Variants in CNTNAP5 observed in about 807,000 individuals in gnomAD.
CNTNAP5 encodes the protein contactin associated protein family member 5, also known as contactin-associated protein-like 5.
Under a neutral mutation model 150.2 loss-of-function variants are expected in CNTNAP5, and 72 were observed. The observed-to-expected ratio is 0.48, with a 90% CI of 0.40 to 0.58. The LOEUF (loss-of-function observed/expected upper bound fraction) is 0.58. CNTNAP5 is among the 20% of genes least tolerant of loss of function. The probability of loss-of-function intolerance (pLI) is 0.00; values close to 1 mark genes in which losing one functional copy is unlikely to be tolerated. For missense variants in CNTNAP5, 1,636 were observed against 1,626.2 expected, an observed-to-expected ratio of 1.01 and a Z score of -0.10; for synonymous variants, 672 against 619.8, an observed-to-expected ratio of 1.08 and a Z score of -1.25.
intron 3 of CNTNAP5, among the ~76,000 whole-genome samples, chr2:124,249,647 A>G (rs989459675): frequency 3.3e-5 from 5 of 152,168 alleles, no homozygotes; most frequent in African/African-American, 1.2e-4. Context: ...TTGATGTCTC[A>G]TGCCTTCCTA....
chr2:124,476,259 T>A (rs1345837314), intron 7 of CNTNAP5, among the ~76,000 whole-genome samples: 1 of 152,200 alleles, frequency 6.6e-6, no homozygotes, highest in East Asian at 1.9e-4. Flanking sequence ...TTTGCTACAA[T>A]GTCAAACATC....
chr2:124,299,951 G>A (rs745334523), intron 3 of CNTNAP5, among the ~76,000 whole-genome samples: 9 of 152,118 alleles, frequency 5.9e-5, no homozygotes, highest in Non-Finnish European at 8.8e-5. Flanking sequence ...TCTTGCTTGC[G>A]TCTACTTGCT....
intron 7 of CNTNAP5, among the ~76,000 whole-genome samples, chr2:124,485,015 A>G (rs1350223900): frequency 6.6e-6 from 1 of 152,196 alleles, no homozygotes; most frequent in Non-Finnish European, 1.5e-5. Flanking sequence ...TTTGTTCCAT[A>G]TAAGCCAGTT....
chr2:124,611,420 G>A (rs753744893), intron 12 of CNTNAP5, among the ~76,000 whole-genome samples: 4 of 152,276 alleles, frequency 2.6e-5, no homozygotes, highest in Middle Eastern at 3.4e-3. Flanking sequence ...TTGCATTTCC[G>A]TAATAACTTT....
chr2:124,340,932 T>A (rs1253842581), intron 3 of CNTNAP5, among the ~76,000 whole-genome samples: 2 of 148,448 alleles, frequency 1.3e-5, no homozygotes, highest in African/African-American at 2.5e-5. Context: ...ATATATTAGG[T>A]GGGAAGGGTG....
At chr2:124,814,832 G>A (rs535989336) in intron 19 of CNTNAP5, among the ~76,000 whole-genome samples, 10 of 152,156 alleles carry the variant, frequency 6.6e-5, no homozygotes, top group African/African-American at 2.4e-4. Flanking sequence ...TTCTCAAAGG[G>A]TCTGAGAGAA....
chr2:124,452,557 A>G (rs898451204), intron 6 of CNTNAP5, among the ~76,000 whole-genome samples: 2 of 152,140 alleles, frequency 1.3e-5, no homozygotes, highest in African/African-American at 4.8e-5. Flanking sequence ...GCTTTCTTGA[A>G]AATGCCAGCT....
At chr2:124,480,492 C>A (rs954183223) in intron 7 of CNTNAP5, among the ~76,000 whole-genome samples, 4 of 152,102 alleles carry the variant, frequency 2.6e-5, no homozygotes, top group Non-Finnish European at 4.4e-5. Context: ...GACATGAGAG[C>A]ACACACACAT....
intron 1 of CNTNAP5, among the ~76,000 whole-genome samples, chr2:124,148,434 C>T (rs1684309335): frequency 6.9e-6 from 1 of 144,308 alleles, no homozygotes; most frequent in African/African-American, 2.6e-5. Context: ...GTTTTGTTTC[C>T]TGCCGTATCG....
chr2:124,730,762 G>A (rs886140645), intron 13 of CNTNAP5, among the ~76,000 whole-genome samples: 11 of 151,914 alleles, frequency 7.2e-5, no homozygotes, highest in Admixed American at 7.2e-4. Context: ...AATGACCTTT[G>A]TGGGGTATTA....
Position 124,713,154 on chromosome 2 carries a change from T to TCCTC in CNTNAP5, c.2078-34062_2078-34059dup, listed in dbSNP as rs1233508319. ...TTCCTTTCTTCCTTCCTTCCTTCCTTCCTCCCTCCCTCCCTCTCTCTTTTC... is the reference window on the plus strand; with the variant it reads ...TTCCTTTCTTCCTTCCTTCCTTCCTTCCTCCCTCCCTCCCTCCCTCTCTCTTTTC... On this transcript the variant is annotated intron_variant, in intron 13 of 23. Transcript: ENST00000682447. Among the ~76,000 whole-genome samples the TCCTC allele has an allele frequency of 7.4e-5, 11 of 148,480 alleles. 1 individual carries two copies. Among genetic ancestry groups the TCCTC allele is most frequent in the East Asian group, 2.0e-4 (1 of 4,952 alleles).
chr2:124,747,451 C>T (rs1327267156), intron 14 of CNTNAP5, 66 bp downstream of exon 14: 11 of 1,567,996 alleles, frequency 7.0e-6, no homozygotes, highest in Non-Finnish European at 8.8e-6. Flanking sequence ...TAAAATTCCC[C>T]AAGACAGAAG....
chr2:124,385,145 T>C (rs1946552), intron 3 of CNTNAP5, among the ~76,000 whole-genome samples: 46,371 of 152,118 alleles, frequency 0.3, 8,299 homozygotes, highest in South Asian at 0.52. Context: ...ATTAAAGGTA[T>C]GAATTTGGTT....
chr2:124,568,855 C>G (rs13031933), intron 11 of CNTNAP5, among the ~76,000 whole-genome samples: 1 of 151,822 alleles, frequency 6.6e-6, no homozygotes, highest in Non-Finnish European at 1.5e-5. Context: ...ACTATCCTGG[C>G]TAACACGGTG....
At chr2:124,167,524 C>T (rs999059440) in intron 1 of CNTNAP5, among the ~76,000 whole-genome samples, 1 of 151,836 alleles carries the variant, frequency 6.6e-6, no homozygotes, top group Non-Finnish European at 1.5e-5. Flanking sequence ...TTTTTTAAAG[C>T]AAAAAAGCAA....
At chr2:124,562,969 CCTTAA>C (rs1259851724) in intron 10 of CNTNAP5, among the ~76,000 whole-genome samples, 22 of 152,150 alleles carry the variant, frequency 1.4e-4, no homozygotes, top group South Asian at 2.1e-4. Context: ...ATATTAACAT[CCTTAA>C]CTTAAGTACT....
At chr2:124,033,931 T>C (rs1234437493) in intron 1 of CNTNAP5, among the ~76,000 whole-genome samples, 1 of 147,900 alleles carries the variant, frequency 6.8e-6, no homozygotes, top group South Asian at 2.1e-4. Flanking sequence ...AAAAAAAAAG[T>C]GTGTGAAAGA....
chr2:124,221,202 A>G (rs1485869833), intron 1 of CNTNAP5, among the ~76,000 whole-genome samples: 1 of 152,164 alleles, frequency 6.6e-6, no homozygotes, highest in Non-Finnish European at 1.5e-5. Context: ...GAAGACTTTC[A>G]CACAACTGGG....
intron 1 of CNTNAP5, among the ~76,000 whole-genome samples, chr2:124,184,004 C>G (rs1685269703): frequency 6.6e-6 from 1 of 152,156 alleles, no homozygotes; most frequent in Non-Finnish European, 1.5e-5. Flanking sequence ...GAAGGGAAAA[C>G]CACTCAGGCC....
Sources: allele counts gnomAD v4.1 joint callset (sites outside exome capture counted in the v4.1 genomes callset), GRCh38; gene constraint gnomAD v4.1.1; transcripts MANE v1.5; gene names NCBI Gene and HGNC (gene_info 2026-07-23, HGNC 2026-07-21).